Variants in ENKUR observed in about 807,000 individuals in gnomAD.
ENKUR encodes enkurin.
In ENKUR, 19 loss-of-function variants were observed where a neutral mutation model predicts 27.6. That is an observed-to-expected ratio of 0.69 (90% CI 0.48 to 1.01). ENKUR has a LOEUF of 1.01. Among genes scored for constraint, ENKUR ranks in the 50% least tolerant of loss-of-function variants. The pLI is 0.00. For missense variants in ENKUR, 312 were observed against 310.5 expected (o/e 1.00, Z -0.04); for synonymous variants, 117 against 96.9 (o/e 1.21, Z -1.22).
At chr10:25,014,219 C>A (rs1049253555) in intron 1 of ENKUR, among the ~76,000 whole-genome samples, 4 of 152,110 alleles carry the variant, frequency 2.6e-5, no homozygotes, top group African/African-American at 9.7e-5. Context: ...TATTTCAGTT[C>A]CCCAAAAAGA....
At chr10:25,005,333 C>T (rs1850287311) in intron 1 of ENKUR, among the ~76,000 whole-genome samples, 1 of 152,188 alleles carries the variant, frequency 6.6e-6, no homozygotes, top group Admixed American at 6.5e-5. Flanking sequence ...ATTAGACTTA[C>T]TAATCACCAT....
At chr10:25,050,772 G>A (rs1851179800) in intron 2 of ENKUR, among the ~76,000 whole-genome samples, 1 of 152,136 alleles carries the variant, frequency 6.6e-6, no homozygotes, top group South Asian at 2.1e-4. Flanking sequence ...AGGAGGTAAT[G>A]CTGTCAAAAA....
Position 25,002,885 on chromosome 10 carries a change from T to C in ENKUR, c.78-3339A>G, listed in dbSNP as rs111883247. On this transcript the variant is annotated intron_variant, in intron 1 of 5. Transcript: ENST00000331161. ...GCCCACAGAAGTTGGGGCTGGCAGATATGGTCTCGTGATTAATAAGATAAT... is the reference window on the plus strand; with the variant it reads ...GCCCACAGAAGTTGGGGCTGGCAGACATGGTCTCGTGATTAATAAGATAAT... Among the ~76,000 whole-genome samples, 500 of 152,116 alleles carry C rather than the reference T, an allele frequency of 3.3e-3. 2 individuals are homozygous for C. Among genetic ancestry groups the C allele is most frequent in the African/African-American group, 9.2e-3 (382 of 41,498 alleles).
At chr10:25,025,180 G>T (rs767426518) in intron 2 of ENKUR, 2 of 1,614,138 alleles carry the variant, frequency 1.2e-6, no homozygotes, top group South Asian at 1.1e-5. Flanking sequence ...TGCAGATAGG[G>T]TGCAAGACAA....
intron 2 of ENKUR, among the ~76,000 whole-genome samples, chr10:25,026,928 T>G (rs1450780834): frequency 6.6e-6 from 1 of 152,154 alleles, no homozygotes; most frequent in Non-Finnish European, 1.5e-5. Context: ...TCAGGAGCAG[T>G]TATAGGAAAA....
intron 2 of ENKUR, chr10:25,061,006 G>T: frequency 9.2e-7 from 1 of 1,084,552 alleles, no homozygotes; most frequent in Non-Finnish European, 1.3e-6. Context: ...GAGCCACTGG[G>T]CCTGGCCCTT....
intron 4 of ENKUR, among the ~76,000 whole-genome samples, chr10:24,986,414 A>G (rs1564333754): frequency 3.3e-5 from 5 of 152,182 alleles, no homozygotes; most frequent in Admixed American, 1.3e-4. Flanking sequence ...TCCAGGTTAA[A>G]TTTTAAAAAG....
intron 4 of ENKUR, among the ~76,000 whole-genome samples, chr10:24,988,795 T>C (rs1329871299): frequency 1.4e-5 from 2 of 147,668 alleles, no homozygotes; most frequent in Admixed American, 1.4e-4. Context: ...ATAATGAGAC[T>C]GTTATTTTAT....
At chr10:25,008,908 A>G (rs1850376316) in intron 1 of ENKUR, among the ~76,000 whole-genome samples, 1 of 152,256 alleles carries the variant, frequency 6.6e-6, no homozygotes, top group Admixed American at 6.5e-5. Flanking sequence ...CATATATACC[A>G]TGGAATACTA....
rs762167751 is a variant in ENKUR at position 24,995,758 on chromosome 10, T to C, written c.335A>G (p.Asp112Gly). 3.1e-6 allele frequency: 5 copies of C among 1,614,058 alleles called. No homozygotes were observed. The highest frequency in any genetic ancestry group is 1.7e-5 in the Admixed American group (1 of 60,018). ...CTTTTTAGCCACTCCCATGATGATATCAGCTGCATTTGTATTTATAAAATT... is the reference window on the plus strand; with the variant it reads ...CTTTTTAGCCACTCCCATGATGATACCAGCTGCATTTGTATTTATAAAATT... ...GKNFINTNAA[D>G]IIMGVAKKPK... Residue 112 changes from aspartate (D) to glycine (G), a missense_variant, in exon 3 of 6, where the codon GAT (aspartate) becomes GGT (glycine). Coordinates refer to ENST00000331161, the MANE Select transcript of ENKUR (RefSeq NM_145010.4).
At chr10:25,026,234 A>C (rs778117579) in intron 2 of ENKUR, 1 of 166,916 alleles carries the variant, frequency 6.0e-6, no homozygotes, top group Non-Finnish European at 1.5e-5. Context: ...ACTAATGTGT[A>C]TCTCACACTG....
intron 2 of ENKUR, among the ~76,000 whole-genome samples, chr10:25,037,068 G>A (rs1851016878): frequency 6.6e-6 from 1 of 152,212 alleles, no homozygotes; most frequent in Admixed American, 6.5e-5. Context: ...CATGGCATGG[G>A]GCATGTGCTG....
intron 2 of ENKUR, among the ~76,000 whole-genome samples, chr10:25,052,322 TG>T (rs1432805454): frequency 6.6e-6 from 1 of 152,226 alleles, no homozygotes; most frequent in Non-Finnish European, 1.5e-5. Flanking sequence ...TGATAAGAGG[TG>T]GCCTTATTCG....
intron 2 of ENKUR, among the ~76,000 whole-genome samples, chr10:24,997,820 T>G (rs1438145325): frequency 2.0e-5 from 3 of 149,206 alleles, no homozygotes; most frequent in African/African-American, 7.7e-5. Flanking sequence ...TATATATATA[T>G]ATATATGTTT....
At chr10:25,028,387 G>T (rs939811379) in intron 2 of ENKUR, among the ~76,000 whole-genome samples, 8 of 151,956 alleles carry the variant, frequency 5.3e-5, no homozygotes, top group African/African-American at 1.7e-4. Flanking sequence ...CCCTTTCCCC[G>T]CCCCTTTGAT....
intron 1 of ENKUR, among the ~76,000 whole-genome samples, chr10:25,014,521 G>GAA (rs376706730): frequency 4.8e-5 from 7 of 146,176 alleles, no homozygotes; most frequent in African/African-American, 1.8e-4. Flanking sequence ...AATTTTTTTT[G>GAA]AAAAAAAAAA....
intron 2 of ENKUR, among the ~76,000 whole-genome samples, chr10:25,054,496 TCTTTCTTTCTTTCTTTC>T (rs1564358664): frequency 1.5e-4 from 21 of 141,516 alleles, no homozygotes; most frequent in East Asian, 8.1e-4. Context: ...TTTCTTTCTT[TCTTTCTTTCTTTCTTTC>T]CTTTCTTTCT....
At chr10:25,059,210 G>C (rs137964564) in intron 2 of ENKUR, among the ~76,000 whole-genome samples, 1 of 144,252 alleles carries the variant, frequency 6.9e-6, no homozygotes, top group Non-Finnish European at 1.5e-5. Flanking sequence ...TCTGGTCACT[G>C]CAACCTCTGC....
intron 1 of ENKUR, among the ~76,000 whole-genome samples, chr10:25,005,643 A>G (rs1231031589): frequency 6.6e-6 from 1 of 152,240 alleles, no homozygotes; most frequent in East Asian, 1.9e-4. Context: ...GTACACAGAT[A>G]TCCCTTAAGT....
Sources: gnomAD v4.1 joint callset for allele counts (sites outside exome capture counted in the v4.1 genomes callset) on GRCh38, gnomAD v4.1.1 for gene constraint, MANE v1.5 for transcripts, NCBI Gene and HGNC (gene_info 2026-07-23, HGNC 2026-07-21) for gene names.